Variants in LYPD6 observed in about 807,000 individuals in gnomAD.
The protein encoded by LYPD6 is ly6/PLAUR domain-containing protein 6.
A neutral mutation model predicts 22.7 loss-of-function variants in LYPD6; 15 were observed. The observed-to-expected ratio is 0.66, with a 90% confidence interval of 0.44 to 1.02. The LOEUF is 1.02. LYPD6 is among the 50% of genes least tolerant of loss of function. LYPD6 has a pLI of 0.00. For synonymous variants in LYPD6, 72 were observed against 77.5 expected (o/e 0.93, Z 0.37); for missense variants, 189 against 208.4 (o/e 0.91, Z 0.57).
chr2:149,452,297 C>T (rs1680847929), intron 3 of LYPD6, among the ~76,000 whole-genome samples: 1 of 152,164 alleles, frequency 6.6e-6, no homozygotes, highest in Non-Finnish European at 1.5e-5. Context: ...AGGGGTGAGG[C>T]CACACTCAGC....
chr2:149,344,324 C>T (rs892969262), intron 1 of LYPD6, among the ~76,000 whole-genome samples: 1 of 152,152 alleles, frequency 6.6e-6, no homozygotes, highest in African/African-American at 2.4e-5. Context: ...GCACTTTTCC[C>T]TTTTATTTTT....
intron 3 of LYPD6, among the ~76,000 whole-genome samples, chr2:149,462,616 GA>G (rs1356444590): frequency 6.6e-6 from 1 of 151,250 alleles, no homozygotes; most frequent in Admixed American, 6.6e-5. Flanking sequence ...AAACGATTTT[GA>G]AAAAGAAGAC....
At chr2:149,371,225 C>T (rs1681801534) in intron 1 of LYPD6, among the ~76,000 whole-genome samples, 1 of 152,070 alleles carries the variant, frequency 6.6e-6, no homozygotes, top group Non-Finnish European at 1.5e-5. Flanking sequence ...TGGCCTTGCT[C>T]CCAAGTTTGT....
At chr2:149,336,608 ATTTG>A (rs1186975729) in intron 1 of LYPD6, among the ~76,000 whole-genome samples, 2 of 152,160 alleles carry the variant, frequency 1.3e-5, no homozygotes, top group Non-Finnish European at 2.9e-5. Flanking sequence ...AACCCTCTCT[ATTTG>A]TTCATCTGTG....
At chr2:149,433,479 T>A (rs1242140997) in intron 1 of LYPD6, among the ~76,000 whole-genome samples, 1 of 152,202 alleles carries the variant, frequency 6.6e-6, no homozygotes, top group East Asian at 1.9e-4. Context: ...TGCCATACAG[T>A]CAGGAAAGCT....
chr2:149,346,824 C>T (rs1681265158), intron 1 of LYPD6, among the ~76,000 whole-genome samples: 1 of 152,316 alleles, frequency 6.6e-6, no homozygotes, highest in East Asian at 1.9e-4. Flanking sequence ...CCTCAGCCTC[C>T]CAAGTAGCTG....
At chr2:149,404,922 G>T (rs1012457705) in intron 1 of LYPD6, among the ~76,000 whole-genome samples, 4 of 152,160 alleles carry the variant, frequency 2.6e-5, no homozygotes, top group African/African-American at 7.2e-5. Flanking sequence ...ATACCTAATT[G>T]ATTGAGAGTT....
chr2:149,338,073 G>A (rs1276960683), intron 1 of LYPD6, among the ~76,000 whole-genome samples: 3 of 148,258 alleles, frequency 2.0e-5, no homozygotes, highest in Non-Finnish European at 4.6e-5. Context: ...CATTTAGGTT[G>A]ATTCCATGTA....
intron 1 of LYPD6, among the ~76,000 whole-genome samples, chr2:149,415,766 A>C (rs1054934214): frequency 2.6e-5 from 4 of 152,124 alleles, no homozygotes; most frequent in Non-Finnish European, 5.9e-5. Flanking sequence ...TCCTGGGCTC[A>C]AGTGATCCTC....
chr2:149,480,815 C>T, the LYPD6 span, among the ~76,000 whole-genome samples: 2 of 152,164 alleles, frequency 1.3e-5, no homozygotes, highest in Non-Finnish European at 2.9e-5. Flanking sequence ...CAAGGCCATG[C>T]CCCCTTCCCT....
chr2:149,470,665 T>C lies in LYPD6; in HGVS notation c.349-18T>C, dbSNP rs1202997807. 1 of 1,603,124 alleles carries C rather than the reference T, an allele frequency of 6.2e-7. No individual in the cohort carries two copies. Among genetic ancestry groups the C allele is most frequent in the African/African-American group, 1.3e-5 (1 of 74,674 alleles). On this transcript the variant is annotated intron_variant, in intron 4 of 4. Coordinates refer to ENST00000334166, the MANE Select transcript of LYPD6 (RefSeq NM_194317.5). ...ACATGCTGGCTTCTCATTATCTTTTTTTCTTCCTTTCTTTCAGGTCTGCAC... is the reference window on the plus strand; with the variant it reads ...ACATGCTGGCTTCTCATTATCTTTTCTTCTTCCTTTCTTTCAGGTCTGCAC...
At chr2:149,435,353 T>C (rs182768940) in intron 1 of LYPD6, among the ~76,000 whole-genome samples, 7 of 152,362 alleles carry the variant, frequency 4.6e-5, no homozygotes, top group Admixed American at 4.6e-4. Context: ...GTCTGTGCAT[T>C]TGTTCACATT....
chr2:149,462,553 T>C (rs1007127980), intron 3 of LYPD6, among the ~76,000 whole-genome samples: 2 of 151,604 alleles, frequency 1.3e-5, no homozygotes, highest in Non-Finnish European at 1.5e-5. Context: ...TTTTTAGATA[T>C]AGACAAAAGT....
At chr2:149,338,797 G>T (rs971642483) in intron 1 of LYPD6, among the ~76,000 whole-genome samples, 1 of 152,166 alleles carries the variant, frequency 6.6e-6, no homozygotes, top group African/African-American at 2.4e-5. Context: ...ATTGTAGATT[G>T]TTCTCCAATA....
chr2:149,340,002 G>A (rs1358063786), intron 1 of LYPD6, among the ~76,000 whole-genome samples: 1 of 152,116 alleles, frequency 6.6e-6, no homozygotes, highest in African/African-American at 2.4e-5. Flanking sequence ...CTCAGCCATA[G>A]ATAAAGGAAT....
chr2:149,475,270 G>A (rs1681430791), downstream of LYPD6, among the ~76,000 whole-genome samples: 1 of 152,098 alleles, frequency 6.6e-6, no homozygotes, highest in Non-Finnish European at 1.5e-5. Flanking sequence ...CTGAGAATCT[G>A]TTATGAATCT....
At chr2:149,418,827 G>A (rs182810693) in intron 1 of LYPD6, among the ~76,000 whole-genome samples, 19 of 152,278 alleles carry the variant, frequency 1.2e-4, no homozygotes, top group African/African-American at 4.3e-4. Context: ...TTCCCCTACA[G>A]TGACACATTC....
intron 1 of LYPD6, among the ~76,000 whole-genome samples, chr2:149,359,143 A>G (rs921825616): frequency 6.6e-6 from 1 of 152,292 alleles, no homozygotes; most frequent in African/African-American, 2.4e-5. Context: ...GGAACATAAA[A>G]CAGAAATGGA....
intron 1 of LYPD6, among the ~76,000 whole-genome samples, chr2:149,427,140 G>C (rs993923540): frequency 1.3e-5 from 2 of 152,058 alleles, no homozygotes; most frequent in African/African-American, 4.8e-5. Flanking sequence ...TTGATTAAAG[G>C]ATATAAAGCA....
Sources: gnomAD v4.1 joint callset for allele counts (sites outside exome capture counted in the v4.1 genomes callset) on GRCh38, gnomAD v4.1.1 for gene constraint, MANE v1.5 for transcripts, NCBI Gene and HGNC (gene_info 2026-07-23, HGNC 2026-07-21) for gene names.